Variants in GDA observed in about 807,000 individuals in gnomAD.
GDA encodes the protein guanine deaminase, also known as cytoplasmic PSD-95 interactor.
Under a neutral mutation model 59.6 loss-of-function variants are expected in GDA, and 18 were observed. That is an observed-to-expected ratio of 0.30 (90% CI 0.21 to 0.45). The LOEUF (loss-of-function observed/expected upper bound fraction) is 0.45. GDA is among the 20% of genes least tolerant of loss of function. GDA has a pLI of 1.00. For synonymous variants in GDA, 201 were observed against 201.1 expected (o/e 1.00, Z 0.00); for missense variants, 427 against 552.3 (o/e 0.77, Z 2.27).
intron 2 of GDA, among the ~76,000 whole-genome samples, chr9:72,200,363 CCCTCCTCCTCTTCCT>C (rs1833831886): frequency 6.6e-6 from 1 of 150,912 alleles, no homozygotes; most frequent in Admixed American, 6.6e-5. Context: ...TCTTCTTCTT[CCCTCCTCCTCTTCCT>C]CCTCCTCCTC....
chr9:72,116,413 C>G (rs1374174516), intron 1 of GDA, among the ~76,000 whole-genome samples: 3 of 121,414 alleles, frequency 2.5e-5, no homozygotes, highest in Non-Finnish European at 4.9e-5. Flanking sequence ...GAGATGGAGT[C>G]TTGCTCTGTT....
At position 72,195,561 on chromosome 9, in the gene GDA, C is replaced by T. The variant is rs758823433; in HGVS notation, c.185C>T (p.Pro62Leu). 1.2e-5 allele frequency: 19 copies of T among 1,571,374 alleles called. 1 individual carries two copies. In the Admixed American group the frequency reaches 2.2e-4, roughly 19 times the overall value. ...CTGGCCAAAGAATGGTGCTTCAAGC[C>T]GTGTGAAATAAGAGAACTGAGCCAC... ...EKLAKEWCFK[P>L]CEIRELSHHE... Residue 62 changes from proline (P) to leucine (L), a missense_variant, in exon 2 of 14, where the codon CCG becomes CTG. By Grantham distance (98) the Pro-to-Leu change is moderately conservative. Coordinates refer to ENST00000358399, the MANE Select transcript of GDA (RefSeq NM_004293.5).
chr9:72,231,065 T>C (rs1308418623), intron 9 of GDA, 49 bp from the exon 10 acceptor site: 8 of 1,052,742 alleles, frequency 7.6e-6, no homozygotes, highest in Non-Finnish European at 1.2e-5. Flanking sequence ...GTTCATCTTT[T>C]ATTGGAACCA....
intron 1 of GDA, among the ~76,000 whole-genome samples, chr9:72,187,003 A>G (rs1831937805): frequency 6.6e-6 from 1 of 152,224 alleles, no homozygotes; most frequent in African/African-American, 2.4e-5. Context: ...AGTAGAGACT[A>G]TGCATATATA....
rs1825700852 is a variant in GDA at position 72,122,617 on chromosome 9, G to GA, written c.-100+7790dup. On this transcript the variant is annotated intron_variant, in intron 1 of 13. Transcript: ENST00000545168. ...TTATCTCTTATTTTCATTGCTTTTG[G>GA]AAAAAATGTATACATTTACACACAC... Among the ~76,000 whole-genome samples the GA allele has an allele frequency of 2.8e-5, 4 of 143,052 alleles. No homozygotes were observed. In the South Asian group the frequency reaches 9.3e-4, roughly 33 times the overall value. The allele number at this position is 143,052 out of a possible 152,430, so 93.8% of individuals were successfully genotyped here.
intron 1 of GDA, among the ~76,000 whole-genome samples, chr9:72,195,045 A>G (rs560580518): frequency 2.0e-5 from 3 of 152,310 alleles, no homozygotes; most frequent in East Asian, 1.9e-4. Context: ...TGGTTTTTGT[A>G]TCTCTTCAGT....
Position 72,250,060 on chromosome 9 carries a change from T to C in GDA, c.*1718T>C. 1 of 976,580 alleles carries C rather than the reference T, an allele frequency of 1.0e-6. No homozygotes were observed. Among genetic ancestry groups the C allele is most frequent in the Non-Finnish European group, 1.2e-6 (1 of 821,872 alleles). 60.5% of individuals were successfully genotyped at this position (976,580 alleles called of 1,614,324 possible). The stretch of plus-strand genomic sequence containing the variant: ...TAGTAAACCCAATTTCCAGTCTTAG[T>C]CTGTATTTCCAATATTTCTAATTCC... On this transcript the variant is annotated 3_prime_UTR_variant, in exon 14 of 14. Transcript: ENST00000358399.
chr9:72,238,708 A>C (rs1839285471), intron 10 of GDA, among the ~76,000 whole-genome samples: 1 of 152,212 alleles, frequency 6.6e-6, no homozygotes, highest in South Asian at 2.1e-4. Context: ...TCTGACGAGC[A>C]AGTAATGATA....
chr9:72,127,265 G>A (rs1335759985), intron 1 of GDA, among the ~76,000 whole-genome samples: 1 of 152,068 alleles, frequency 6.6e-6, no homozygotes, highest in African/African-American at 2.4e-5. Context: ...AAAATTAAAT[G>A]GGTTGATGGG....
intron 1 of GDA, among the ~76,000 whole-genome samples, chr9:72,179,524 A>G (rs963575410): frequency 3.3e-5 from 5 of 152,170 alleles, no homozygotes; most frequent in African/African-American, 1.2e-4. Context: ...GACCATTTCA[A>G]ACTATCTCAG....
At chr9:72,181,045 T>C (rs1409493871) in intron 1 of GDA, among the ~76,000 whole-genome samples, 1 of 152,232 alleles carries the variant, frequency 6.6e-6, no homozygotes. Context: ...GAAATAGATT[T>C]TGATTTTTTA....
chr9:72,118,944 G>C (rs1825565686), intron 1 of GDA, among the ~76,000 whole-genome samples: 1 of 152,200 alleles, frequency 6.6e-6, no homozygotes, highest in South Asian at 2.1e-4. Flanking sequence ...CAAGACCACT[G>C]ATAATTCAAT....
Position 72,250,902 on chromosome 9 carries a change from C to T in GDA, c.*2560C>T. The T allele has an allele frequency of 7.7e-6, 11 of 1,424,196 alleles. No homozygotes were observed. The highest frequency in any genetic ancestry group is 1.1e-5 in the Non-Finnish European group (11 of 1,017,870). The allele number at this position is 1,424,196 out of a possible 1,614,324, so 88.2% of individuals were successfully genotyped here. Reference sequence around the variant, plus strand: ...TCACAAAATATTTTTGCAACCAGAACACAAAAGCAGGCTAGTCAGCTAAGG... The same window carrying T: ...TCACAAAATATTTTTGCAACCAGAATACAAAAGCAGGCTAGTCAGCTAAGG... On this transcript the variant is annotated 3_prime_UTR_variant, in exon 14 of 14. Coordinates refer to ENST00000358399, the MANE Select transcript of GDA (RefSeq NM_004293.5).
downstream of GDA, among the ~76,000 whole-genome samples, chr9:72,256,385 G>A (rs570203445): frequency 6.6e-5 from 10 of 152,292 alleles, 1 homozygote; most frequent in South Asian, 2.1e-3. Flanking sequence ...TCTGGGATGG[G>A]AGGTGAGAGG....
rs1834787485 is a variant in GDA at position 72,206,911 on chromosome 9, A to G, written c.385-3776A>G. 2.6e-5 allele frequency among the ~76,000 whole-genome samples: 4 copies of G among 152,064 alleles called. No homozygotes were observed. The South Asian group carries it at 6.2e-4, about 24-fold the overall frequency. ...CAATCAGGTGAGTGATAAACATTCT[A>G]AAACCTAGAATTATCAAAAATGGCT... On this transcript the variant is annotated intron_variant, in intron 3 of 13. Transcript: ENST00000358399.
chr9:72,218,746 T>C (rs182718227), intron 5 of GDA, among the ~76,000 whole-genome samples: 4 of 152,320 alleles, frequency 2.6e-5, no homozygotes, highest in Admixed American at 2.0e-4. Context: ...AACAAGTAGC[T>C]TCCACTTTAG....
chr9:72,171,583 A>T lies in GDA; in HGVS notation c.123+21901A>T, dbSNP rs1829983612. Among the ~76,000 whole-genome samples, 4 of 152,134 alleles carry T rather than the reference A, an allele frequency of 2.6e-5. No individual in the cohort carries two copies. In the South Asian group the frequency reaches 8.3e-4, roughly 32 times the overall value. ...AGAAAACATTTTTTTTTTCCTGTTC[A>T]GAGATAGTGACCATTGGGGCCACCA... On this transcript the variant is annotated intron_variant, in intron 1 of 13. Coordinates refer to ENST00000358399, the MANE Select transcript of GDA (RefSeq NM_004293.5).
At chr9:72,147,274 C>T (rs917006711), upstream of GDA, among the ~76,000 whole-genome samples, 4 of 152,166 alleles carry the variant, frequency 2.6e-5, no homozygotes, top group Admixed American at 6.5e-5. Context: ...GTGGCGTGAT[C>T]TCAGCTCACT....
At chr9:72,158,594 C>CAA (rs201043870) in intron 1 of GDA, among the ~76,000 whole-genome samples, 1 of 117,490 alleles carries the variant, frequency 8.5e-6, no homozygotes, top group Non-Finnish European at 1.8e-5. Context: ...ACTCCGTCTC[C>CAA]AAAAAAAAAA....
Sources: allele counts gnomAD v4.1 joint callset (sites outside exome capture counted in the v4.1 genomes callset), GRCh38; gene constraint gnomAD v4.1.1; transcripts MANE v1.5; gene names NCBI Gene and HGNC (gene_info 2026-07-23, HGNC 2026-07-21).